Variants in CSTPP1 observed in about 807,000 individuals in gnomAD.
CSTPP1 encodes UPF0705 protein C11orf49.
chr11:46,960,732 A>G, the CSTPP1 span, among the ~76,000 whole-genome samples: 1 of 152,168 alleles, frequency 6.6e-6, no homozygotes, highest in Admixed American at 6.5e-5. Flanking sequence ...GGTGCCTGTA[A>G]TCTCAGCAAC....
the CSTPP1 span, among the ~76,000 whole-genome samples, chr11:47,040,071 C>G: frequency 7.8e-6 from 1 of 128,592 alleles, no homozygotes; most frequent in Non-Finnish European, 1.8e-5. Context: ...AGTGGCAAAA[C>G]CTGGCAGATG....
the CSTPP1 span, among the ~76,000 whole-genome samples, chr11:47,038,951 G>C: frequency 1.7e-5 from 2 of 121,090 alleles, 1 homozygote; most frequent in African/African-American, 5.1e-5. Context: ...ATGGGCCGCC[G>C]GGCAGAGACG....
chr11:47,149,116 C>T, the CSTPP1 span, among the ~76,000 whole-genome samples: 1 of 152,226 alleles, frequency 6.6e-6, no homozygotes, highest in Admixed American at 6.5e-5. Flanking sequence ...TCTTTCTCCA[C>T]TCCAGTTGCC....
the CSTPP1 span, chr11:47,052,304 G>A: frequency 6.7e-7 from 1 of 1,497,856 alleles, no homozygotes; most frequent in African/African-American, 1.4e-5. Flanking sequence ...TTTGGCAGTG[G>A]TTCTCTCTGG....
At chr11:47,050,315 T>C in the CSTPP1 span, among the ~76,000 whole-genome samples, 2 of 152,194 alleles carry the variant, frequency 1.3e-5, no homozygotes, top group East Asian at 1.9e-4. Flanking sequence ...TCCACAAATA[T>C]TTATGAGTAA....
chr11:47,036,450 AG>A, the CSTPP1 span, among the ~76,000 whole-genome samples: 2 of 117,072 alleles, frequency 1.7e-5, no homozygotes, highest in African/African-American at 5.2e-5. Flanking sequence ...ACTCTAAACA[AG>A]TATTAAACTC....
chr11:46,973,235 A>G, the CSTPP1 span, among the ~76,000 whole-genome samples: 5 of 152,284 alleles, frequency 3.3e-5, no homozygotes, highest in Admixed American at 6.5e-5. Flanking sequence ...ATCCTATCCT[A>G]GCATGCGCTA....
the CSTPP1 span, among the ~76,000 whole-genome samples, chr11:46,992,327 G>A: frequency 6.6e-6 from 1 of 151,574 alleles, no homozygotes; most frequent in Non-Finnish European, 1.5e-5. Context: ...CCATGTTGGT[G>A]TGCTGCACCC....
chr11:47,087,024 C>T, the CSTPP1 span, among the ~76,000 whole-genome samples: 1 of 152,034 alleles, frequency 6.6e-6, no homozygotes, highest in African/African-American at 2.4e-5. Context: ...TCCTTGCGAA[C>T]AAGGAGAAGG....
the CSTPP1 span, among the ~76,000 whole-genome samples, chr11:47,014,906 A>G: frequency 6.6e-6 from 1 of 152,148 alleles, no homozygotes; most frequent in African/African-American, 2.4e-5. Flanking sequence ...AAAACAGTAG[A>G]GAAAATTAGT....
At chr11:47,147,828 C>T in the CSTPP1 span, among the ~76,000 whole-genome samples, 2,680 of 152,246 alleles carry the variant, frequency 0.018, 31 homozygotes, top group Non-Finnish European at 0.029. Flanking sequence ...ACTGAACTGA[C>T]CTCATAGGAT....
At chr11:46,971,999 A>AT in the CSTPP1 span, among the ~76,000 whole-genome samples, 4 of 152,218 alleles carry the variant, frequency 2.6e-5, no homozygotes, top group Non-Finnish European at 5.9e-5. Flanking sequence ...TCATCCTTTT[A>AT]TAATGTCAAA....
chr11:47,122,936 A>C, the CSTPP1 span, among the ~76,000 whole-genome samples: 1 of 152,204 alleles, frequency 6.6e-6, no homozygotes, highest in Non-Finnish European at 1.5e-5. Flanking sequence ...ACGGTCCCCA[A>C]ACACTGAGTT....
At chr11:47,146,026 G>A in the CSTPP1 span, among the ~76,000 whole-genome samples, 2 of 152,092 alleles carry the variant, frequency 1.3e-5, no homozygotes, top group African/African-American at 4.8e-5. Context: ...TGGGACTACA[G>A]GTGCACACCA....
At chr11:46,941,629 C>T in the CSTPP1 span, among the ~76,000 whole-genome samples, 1 of 152,146 alleles carries the variant, frequency 6.6e-6, no homozygotes, top group Non-Finnish European at 1.5e-5. Context: ...TGTGAGCCAC[C>T]ACGCCTGGCC....
chr11:47,137,390 C>A, the CSTPP1 span: 2 of 1,494,916 alleles, frequency 1.3e-6, no homozygotes, highest in Non-Finnish European at 1.8e-6. Context: ...CTTCACCCGA[C>A]CAATTTTCAT....
chr11:47,024,039 A>C, the CSTPP1 span, among the ~76,000 whole-genome samples: 1 of 152,006 alleles, frequency 6.6e-6, no homozygotes, highest in African/African-American at 2.4e-5. Context: ...GTTTATGTTT[A>C]AGTTATTGTG....
chr11:47,102,486 CA>C, the CSTPP1 span, among the ~76,000 whole-genome samples: 36 of 126,978 alleles, frequency 2.8e-4, no homozygotes, highest in South Asian at 7.4e-4. Flanking sequence ...CTTTGGGAGG[CA>C]AAAAAAAAAA....
At chr11:47,123,163 A>G in the CSTPP1 span, 2 of 152,182 alleles carry the variant, frequency 1.3e-5, no homozygotes, top group African/African-American at 4.8e-5. Context: ...AAAGCTTCCA[A>G]AGAGAAATTC....
Sources: gnomAD v4.1 joint callset for allele counts (sites outside exome capture counted in the v4.1 genomes callset) on GRCh38, gnomAD v4.1.1 for gene constraint, MANE v1.5 for transcripts, NCBI Gene and HGNC (gene_info 2026-07-23, HGNC 2026-07-21) for gene names.